Variants in PDGFD observed in about 807,000 individuals in gnomAD.
PDGFD encodes platelet-derived growth factor D.
In PDGFD, 30 loss-of-function variants were observed where a neutral mutation model predicts 44.7. The observed-to-expected ratio is 0.67, with a 90% confidence interval of 0.50 to 0.91. The LOEUF (loss-of-function observed/expected upper bound fraction) is 0.91, where lower values mean the gene tolerates loss of function less well. Ranked by LOEUF, PDGFD falls within the 40% of genes least tolerant of loss-of-function variation. PDGFD has a pLI of 0.00. For missense variants in PDGFD, 445 were observed against 457.8 expected (o/e 0.97, Z 0.25); for synonymous variants, 173 against 168.4 (o/e 1.03, Z -0.21).
chr11:103,986,002 T>C (rs1403891731), intron 3 of PDGFD, among the ~76,000 whole-genome samples: 1 of 152,174 alleles, frequency 6.6e-6, no homozygotes, highest in Admixed American at 6.5e-5. Flanking sequence ...TTTAATGTTT[T>C]GCCTGTCTGG....
chr11:103,991,307 TCTC>T lies in PDGFD; in HGVS notation c.510+4755_510+4757del, dbSNP rs1859448260. Among the ~76,000 whole-genome samples the T allele has an allele frequency of 1.3e-5, 2 of 152,134 alleles. 1 individual carries two copies. Among genetic ancestry groups the T allele is most frequent in the South Asian group, 4.1e-4 (2 of 4,828 alleles). On this transcript the variant is annotated intron_variant, in intron 3 of 6. Transcript: ENST00000393158. ...TTATCTTTTTCAACCCCTGGGCTGT[TCTC>T]CTCCTCTCTTCCTTCTCCTCCTCCC... is the stretch of plus-strand genomic sequence containing the variant.
chr11:103,977,929 T>C lies in PDGFD; in HGVS notation c.510+18136A>G, dbSNP rs115532785. On this transcript the variant is annotated intron_variant, in intron 3 of 6. Coordinates refer to ENST00000393158, the MANE Select transcript of PDGFD (RefSeq NM_025208.5). The stretch of plus-strand genomic sequence containing the variant: ...TGGTGAGGAACCAGTAAAGTAGAGA[T>C]TATAGAATTGTTAGAAAAGGGTTAA... Among the ~76,000 whole-genome samples the C allele has an allele frequency of 1.2e-3, 186 of 152,094 alleles. 1 individual carries two copies. The highest frequency in any genetic ancestry group is 4.4e-3 in the African/African-American group (183 of 41,510).
chr11:103,940,181 C>G (rs892562375), intron 5 of PDGFD, among the ~76,000 whole-genome samples: 2 of 151,954 alleles, frequency 1.3e-5, no homozygotes, highest in African/African-American at 4.8e-5. Flanking sequence ...TAAAAAGAAG[C>G]AAAACACATC....
At chr11:104,027,613 C>T (rs565620063) in intron 1 of PDGFD, among the ~76,000 whole-genome samples, 4 of 152,292 alleles carry the variant, frequency 2.6e-5, no homozygotes, top group South Asian at 2.1e-4. Context: ...TTAAGCTCTA[C>T]TTTTGTTACT....
chr11:103,942,504 G>A (rs1038867595), intron 5 of PDGFD, among the ~76,000 whole-genome samples: 7 of 151,708 alleles, frequency 4.6e-5, no homozygotes, highest in Admixed American at 6.6e-5. Flanking sequence ...TGTTCCTCTC[G>A]GTTCTCCCCT....
At chr11:103,952,051 A>G (rs978037328) in intron 3 of PDGFD, among the ~76,000 whole-genome samples, 48 of 152,182 alleles carry the variant, frequency 3.2e-4, no homozygotes, top group African/African-American at 1.1e-3. Context: ...GCAAGCCAGT[A>G]GTTTACAGCC....
chr11:104,037,748 T>C (rs534825593), intron 1 of PDGFD: 113 of 1,614,132 alleles, frequency 7.0e-5, no homozygotes, highest in Admixed American at 1.0e-4. Flanking sequence ...CAGATTCAAA[T>C]TGAAGGTGAT....
intron 3 of PDGFD, among the ~76,000 whole-genome samples, chr11:103,985,122 TATTA>T (rs1336312519): frequency 1.4e-5 from 2 of 138,320 alleles, no homozygotes; most frequent in Non-Finnish European, 1.5e-5. Context: ...ATATATAATA[TATTA>T]ATTTATTTAA....
Position 103,947,250 on chromosome 11 carries a change from C to G in PDGFD, c.573+412G>C, listed in dbSNP as rs116186851. Among the ~76,000 whole-genome samples the G allele has an allele frequency of 6.1e-3, 923 of 152,236 alleles. 7 individuals are homozygous for G. Among genetic ancestry groups the G allele is most frequent in the African/African-American group, 0.02 (826 of 41,550 alleles). On this transcript the variant is annotated intron_variant, in intron 4 of 6. Coordinates refer to ENST00000393158, the MANE Select transcript of PDGFD (RefSeq NM_025208.5). ...CTGTAAACATTGGGATTTTTCAAGT[C>G]TGAAAAGACCCTTGAAAATGCAAAG...
At position 104,053,987 on chromosome 11, in the gene PDGFD, C is replaced by A. The variant is rs574159019; in HGVS notation, c.125-53732G>T. ...TGACATATAGAAAGAACAAAAGAGG[C>A]CAGCAAACAAAGAGGCATGTCATTT... is the stretch of plus-strand genomic sequence containing the variant. On this transcript the variant is annotated intron_variant, in intron 1 of 6. Transcript: ENST00000393158. Among the ~76,000 whole-genome samples the A allele has an allele frequency of 2.6e-5, 4 of 152,244 alleles. No homozygotes were observed. The East Asian group carries it at 7.7e-4, about 29-fold the overall frequency.
intron 3 of PDGFD, among the ~76,000 whole-genome samples, chr11:103,977,352 A>C (rs1859199723): frequency 6.6e-6 from 1 of 152,178 alleles, no homozygotes; most frequent in Non-Finnish European, 1.5e-5. Flanking sequence ...TGAGACCAGC[A>C]TCATCCTGAT....
chr11:104,108,971 T>A (rs1023082905), intron 1 of PDGFD, among the ~76,000 whole-genome samples: 1 of 149,170 alleles, frequency 6.7e-6, no homozygotes, highest in Admixed American at 6.9e-5. Context: ...AAACACCGCA[T>A]GTTCTCACTC....
At chr11:104,152,345 T>C (rs559943045) in intron 1 of PDGFD, among the ~76,000 whole-genome samples, 2 of 152,310 alleles carry the variant, frequency 1.3e-5, no homozygotes, top group South Asian at 4.1e-4. Flanking sequence ...AAATTTCTAT[T>C]ACAGCAAATG....
intron 1 of PDGFD, among the ~76,000 whole-genome samples, chr11:104,125,106 T>C (rs1379384414): frequency 6.6e-6 from 1 of 152,258 alleles, no homozygotes; most frequent in Middle Eastern, 3.4e-3. Flanking sequence ...TAGTAGCTTA[T>C]TGCATTAAGT....
At chr11:104,129,397 G>A (rs1419194391) in intron 1 of PDGFD, among the ~76,000 whole-genome samples, 1 of 152,002 alleles carries the variant, frequency 6.6e-6, no homozygotes, top group Non-Finnish European at 1.5e-5. Context: ...AACCTGCAAC[G>A]TTTCCTCCTG....
At chr11:103,956,067 ATTT>A (rs34481866) in intron 3 of PDGFD, among the ~76,000 whole-genome samples, 2 of 143,852 alleles carry the variant, frequency 1.4e-5, no homozygotes, top group Non-Finnish European at 1.5e-5. Flanking sequence ...TAGTTTGGGA[ATTT>A]TTTTTTTTTT....
Position 104,137,715 on chromosome 11 carries a change from A to ATATAGAT in PDGFD, c.124+26082_124+26088dup, listed in dbSNP as rs1862029534. Among the ~76,000 whole-genome samples, 4 of 143,076 alleles carry ATATAGAT rather than the reference A, an allele frequency of 2.8e-5. No homozygotes were observed. In the South Asian group the frequency reaches 9.1e-4, roughly 32 times the overall value. 93.9% of individuals were successfully genotyped at this position (143,076 alleles called of 152,430 possible). ...TTGTATCTAAAATTATTCTATAGTG[A>ATATAGAT]TATAGATCACCACTTTTTTTTTTTT... On this transcript the variant is annotated intron_variant, in intron 1 of 6. Transcript: ENST00000393158.
intron 1 of PDGFD, among the ~76,000 whole-genome samples, chr11:104,070,046 C>T (rs866836655): frequency 3.3e-5 from 5 of 152,264 alleles, no homozygotes; most frequent in Admixed American, 3.3e-4. Flanking sequence ...ACTTCATGTT[C>T]TTTTGACATG....
intron 1 of PDGFD, among the ~76,000 whole-genome samples, chr11:104,077,976 T>C (rs956975743): frequency 6.6e-6 from 1 of 152,150 alleles, no homozygotes; most frequent in Non-Finnish European, 1.5e-5. Context: ...TCTCCAGACA[T>C]GTCCCAAGTC....
Sources: gnomAD v4.1 joint callset for allele counts (sites outside exome capture counted in the v4.1 genomes callset) on GRCh38, gnomAD v4.1.1 for gene constraint, MANE v1.5 for transcripts, NCBI Gene and HGNC (gene_info 2026-07-23, HGNC 2026-07-21) for gene names.